ITFG1: variants seen among roughly 807,000 people sequenced by gnomAD.
ITFG1 encodes the protein T-cell immunomodulatory protein.
In ITFG1, 34 loss-of-function variants were observed where a neutral mutation model predicts 81.8. That is an observed-to-expected ratio of 0.42 (90% CI 0.32 to 0.55). The LOEUF (loss-of-function observed/expected upper bound fraction) is 0.55, where lower values mean the gene tolerates loss of function less well. Among genes scored for constraint, ITFG1 ranks in the 20% least tolerant of loss-of-function variants. The pLI, the probability that ITFG1 is intolerant of heterozygous loss-of-function variation, is 0.17. For synonymous variants in ITFG1, 285 were observed against 270.6 expected, an observed-to-expected ratio of 1.05 and a Z score of -0.52; for missense variants, 672 against 755.4, an observed-to-expected ratio of 0.89 and a Z score of 1.29.
intron 10 of ITFG1, among the ~76,000 whole-genome samples, chr16:47,290,688 T>A (rs1337749986): frequency 1.3e-5 from 2 of 152,188 alleles, no homozygotes; most frequent in Non-Finnish European, 2.9e-5. Flanking sequence ...GCAGTCTATA[T>A]GTGTATTTAC....
At chr16:47,240,608 A>G (rs916091149) in intron 12 of ITFG1, among the ~76,000 whole-genome samples, 1 of 152,236 alleles carries the variant, frequency 6.6e-6, no homozygotes, top group Non-Finnish European at 1.5e-5. Flanking sequence ...GCCCATGTTC[A>G]TGGCAGCGTT....
chr16:47,155,576 T>C lies in ITFG1; in HGVS notation c.*143A>G, dbSNP rs1476589122. On this transcript the variant is annotated 3_prime_UTR_variant, in exon 18 of 18. Coordinates refer to ENST00000320640, the MANE Select transcript of ITFG1 (RefSeq NM_030790.5). ...AAGACCTTGTGACATATTCAAACCA[T>C]ATTTATTTGAATACTTTCCAATAAT... 7 of 628,070 alleles carry C rather than the reference T, an allele frequency of 1.1e-5. No individual in the cohort carries two copies. Among genetic ancestry groups the C allele is most frequent in the South Asian group, 4.7e-5 (2 of 42,654 alleles). The allele number at this position is 628,070 out of a possible 1,614,324, so 38.9% of individuals were successfully genotyped here.
chr16:47,193,587 G>C (rs1965319141), intron 14 of ITFG1, among the ~76,000 whole-genome samples: 1 of 152,136 alleles, frequency 6.6e-6, no homozygotes, highest in Non-Finnish European at 1.5e-5. Context: ...CCAGCTACTA[G>C]GGAGGCTGCA....
intron 1 of ITFG1, 90 bp downstream of exon 1, chr16:47,460,730 GAGAAGGACCAGGAAATGC>G (rs1340043180): frequency 8.3e-7 from 1 of 1,211,002 alleles, no homozygotes; most frequent in African/African-American, 1.5e-5. Context: ...AGGGCTGGGA[GAGAAGGACCAGGAAATGC>G]AGAAGGACCG....
intron 5 of ITFG1, among the ~76,000 whole-genome samples, chr16:47,432,715 T>C (rs1969110042): frequency 6.6e-6 from 1 of 152,250 alleles, no homozygotes. Flanking sequence ...GCCAAGCAAC[T>C]GATTTGATTA....
chr16:47,199,851 A>G (rs1289804153), intron 14 of ITFG1, among the ~76,000 whole-genome samples: 1 of 152,048 alleles, frequency 6.6e-6, no homozygotes, highest in Non-Finnish European at 1.5e-5. Context: ...CATCTGGGGG[A>G]GACAGTGACA....
intron 14 of ITFG1, among the ~76,000 whole-genome samples, chr16:47,193,171 T>G (rs1481038626): frequency 2.0e-5 from 3 of 151,926 alleles, no homozygotes; most frequent in Non-Finnish European, 2.9e-5. Context: ...ATCTCAAAAC[T>G]ATAGTGGTTA....
chr16:47,402,774 ATG>A (rs1172640701), intron 6 of ITFG1, among the ~76,000 whole-genome samples: 34 of 152,322 alleles, frequency 2.2e-4, no homozygotes, highest in Admixed American at 2.0e-3. Context: ...TATAATATAA[ATG>A]TGTGTCAAAT....
chr16:47,311,469 A>G, intron 9 of ITFG1, 57 bp from the exon 10 acceptor site: 1 of 1,362,950 alleles, frequency 7.3e-7, no homozygotes, highest in Non-Finnish European at 9.9e-7. Flanking sequence ...AAAATTTATA[A>G]TTTGCAAAAC....
At chr16:47,334,483 T>C (rs899268144) in intron 8 of ITFG1, among the ~76,000 whole-genome samples, 1 of 152,158 alleles carries the variant, frequency 6.6e-6, no homozygotes, top group African/African-American at 2.4e-5. Context: ...CACTTAAATA[T>C]AGGAGCAGTG....
In ITFG1 at chr16:47,318,101, G is replaced by A. The variant is rs150452446; in HGVS notation, c.803-4278C>T. The stretch of plus-strand genomic sequence containing the variant: ...CTGCTAATAATGAGTAATCAGGCAC[G>A]CAATCTTAAGAAACCAAAAAAAAAA... On this transcript the variant is annotated intron_variant, in intron 8 of 17. Transcript: ENST00000320640. Among the ~76,000 whole-genome samples, 206 of 151,860 alleles carry A rather than the reference G, an allele frequency of 1.4e-3. 1 individual carries two copies. The highest frequency in any genetic ancestry group is 4.7e-3 in the African/African-American group (195 of 41,422).
At position 47,355,386 on chromosome 16, in the gene ITFG1, G is replaced by A. The variant is rs910699618; in HGVS notation, c.802+10402C>T. The stretch of plus-strand genomic sequence containing the variant: ...AGAATAGTGATTATCAGAGGCTGGG[G>A]AGAGGATATGGAGAGAGCTTGGTCA... On this transcript the variant is annotated intron_variant, in intron 8 of 17. Coordinates refer to ENST00000320640, the MANE Select transcript of ITFG1 (RefSeq NM_030790.5). Among the ~76,000 whole-genome samples the A allele has an allele frequency of 3.9e-5, 6 of 152,096 alleles. No individual in the cohort carries two copies. The South Asian group carries it at 6.2e-4, about 16-fold the overall frequency.
intron 12 of ITFG1, among the ~76,000 whole-genome samples, chr16:47,245,074 C>T (rs1047943644): frequency 6.6e-6 from 1 of 152,124 alleles, no homozygotes; most frequent in Non-Finnish European, 1.5e-5. Flanking sequence ...AGGCCGGGTG[C>T]GGTGGCTCAT....
intron 6 of ITFG1, among the ~76,000 whole-genome samples, chr16:47,389,374 C>A (rs1057331123): frequency 4.6e-5 from 7 of 151,912 alleles, no homozygotes; most frequent in Admixed American, 2.6e-4. Flanking sequence ...TCACTAGGCC[C>A]ATAATATATA....
At chr16:47,358,424 T>C (rs879468336) in intron 8 of ITFG1, among the ~76,000 whole-genome samples, 1 of 152,224 alleles carries the variant, frequency 6.6e-6, no homozygotes, top group East Asian at 1.9e-4. Flanking sequence ...ATAATGTATG[T>C]TGTTATCTAC....
At chr16:47,368,257 A>G (rs1313846379) in intron 7 of ITFG1, among the ~76,000 whole-genome samples, 2 of 148,516 alleles carry the variant, frequency 1.3e-5, no homozygotes, top group African/African-American at 2.5e-5. Context: ...AAAAAAAAAA[A>G]GATCACAGCA....
intron 14 of ITFG1, among the ~76,000 whole-genome samples, chr16:47,217,582 T>C (rs1486294371): frequency 1.3e-5 from 2 of 152,222 alleles, no homozygotes; most frequent in Admixed American, 6.5e-5. Context: ...GTTCAAATTA[T>C]CTATATCCTT....
At chr16:47,167,647 ACT>A (rs1483283206) in intron 14 of ITFG1, among the ~76,000 whole-genome samples, 4 of 151,518 alleles carry the variant, frequency 2.6e-5, no homozygotes, top group South Asian at 2.1e-4. Flanking sequence ...CCCTTTGCTG[ACT>A]CTCTTTTCAG....
At chr16:47,365,269 C>A (rs1359077249) in intron 8 of ITFG1, among the ~76,000 whole-genome samples, 1 of 152,146 alleles carries the variant, frequency 6.6e-6, no homozygotes, top group African/African-American at 2.4e-5. Context: ...ATAAAAAGAG[C>A]CACATATGCT....
Sources: allele counts gnomAD v4.1 joint callset (sites outside exome capture counted in the v4.1 genomes callset), GRCh38; gene constraint gnomAD v4.1.1; transcripts MANE v1.5; gene names NCBI Gene and HGNC (gene_info 2026-07-23, HGNC 2026-07-21).